Variants in HDAC11 observed in about 807,000 individuals in gnomAD.
The protein encoded by HDAC11 is histone deacetylase 11.
Under a neutral mutation model 41.1 loss-of-function variants are expected in HDAC11, and 23 were observed. The observed-to-expected ratio is 0.56, with a 90% CI of 0.40 to 0.79. The LOEUF (loss-of-function observed/expected upper bound fraction) is 0.79, where lower values mean the gene tolerates loss of function less well. Ranked by LOEUF, HDAC11 falls within the 30% of genes least tolerant of loss-of-function variation. The pLI is 0.00. For missense variants in HDAC11, 402 were observed against 477.3 expected (o/e 0.84, Z 1.47); for synonymous variants, 187 against 186.6 (o/e 1.00, Z -0.02).
In HDAC11 at chr3:13,498,632, G is replaced by T; in HGVS notation, c.412+77G>T. 3.6e-6 allele frequency: 5 copies of T among 1,384,746 alleles called. No individual in the cohort carries two copies. In the South Asian group the frequency reaches 4.8e-5, roughly 13 times the overall value. The allele number at this position is 1,384,746 out of a possible 1,614,324, so 85.8% of individuals were successfully genotyped here. On this transcript the variant is annotated intron_variant, in intron 5 of 9. Coordinates refer to ENST00000295757, the MANE Select transcript of HDAC11 (RefSeq NM_024827.4). ...GCCTGAAAGGGGGCTGGGGGAGGGC[G>T]GGAGGATCCTGGAGGTGGCAGCTGT...
intron 5 of HDAC11, 68 bp downstream of exon 5, chr3:13,498,623 G>T (rs1702218700): frequency 7.5e-6 from 11 of 1,461,456 alleles, no homozygotes; most frequent in Admixed American, 3.5e-5. Flanking sequence ...AAGGGGGCTG[G>T]GGGAGGGCGG....
intron 6 of HDAC11, 37 bp from the exon 7 acceptor site, chr3:13,501,834 C>T: frequency 6.3e-7 from 1 of 1,599,540 alleles, no homozygotes; most frequent in Non-Finnish European, 8.6e-7. Context: ...CCTCTGTCCG[C>T]CCCAGATCCT....
At chr3:13,504,066 A>G (rs1428067735) in intron 8 of HDAC11, 28 bp from the exon 9 acceptor site, 1 of 1,609,038 alleles carries the variant, frequency 6.2e-7, no homozygotes, top group East Asian at 2.2e-5. Flanking sequence ...TTCTCTATAA[A>G]TTGAGGCCAT....
Position 13,481,408 on chromosome 3 carries a change from C to G in HDAC11, c.151+14C>G, listed in dbSNP as rs183549804. 601 of 1,613,308 alleles carry G rather than the reference C, an allele frequency of 3.7e-4. 2 individuals carry two copies. In the African/African-American group the frequency reaches 7.3e-3, roughly 20 times the overall value. On this transcript the variant is annotated intron_variant, in intron 2 of 9. Transcript: ENST00000295757. ...ATTTCCTAAAAGGTATGGAAGGTCC[C>G]CCTTGGACTCTCATCTGCTTCCTCC... is the stretch of plus-strand genomic sequence containing the variant.
At position 13,505,435 on chromosome 3, in the gene HDAC11, T is replaced by G. The variant is rs1702575669; in HGVS notation, c.*752T>G. The G allele has an allele frequency of 6.5e-6, 1 of 153,004 alleles. No homozygotes were observed. The highest frequency in any genetic ancestry group is 1.5e-5 in the Non-Finnish European group (1 of 68,740). 9.5% of individuals were successfully genotyped at this position (153,004 alleles called of 1,614,324 possible). Reference sequence around the variant, plus strand: ...GCCTGTTCAGTGCAAGGGGCAGGTTTTGGGGGGAGGAATTCTTAGCGCAAG... The same window carrying G: ...GCCTGTTCAGTGCAAGGGGCAGGTTGTGGGGGGAGGAATTCTTAGCGCAAG... On this transcript the variant is annotated 3_prime_UTR_variant, in exon 10 of 10. Coordinates refer to ENST00000295757, the MANE Select transcript of HDAC11 (RefSeq NM_024827.4).
chr3:13,483,242 G>A (rs1188018076), intron 2 of HDAC11, among the ~76,000 whole-genome samples: 1 of 152,090 alleles, frequency 6.6e-6, no homozygotes, highest in African/African-American at 2.4e-5. Context: ...CATGGGGATT[G>A]CTGTGTGTAC....
Position 13,505,701 on chromosome 3 carries a change from C to A in HDAC11, c.*1018C>A, listed in dbSNP as rs1366487528. 1 of 152,224 alleles carries A rather than the reference C, an allele frequency of 6.6e-6. No individual in the cohort carries two copies. Among genetic ancestry groups the A allele is most frequent in the African/African-American group, 2.4e-5 (1 of 41,416 alleles). The allele number at this position is 152,224 out of a possible 1,614,324, so 9.4% of individuals were successfully genotyped here. ...TCTATCCTGGCCTGGGGATTATGAACATAGGTAGCCGGGGCAGGGCCCTGG... is the reference window on the plus strand; with the variant it reads ...TCTATCCTGGCCTGGGGATTATGAAAATAGGTAGCCGGGGCAGGGCCCTGG... On this transcript the variant is annotated 3_prime_UTR_variant, in exon 10 of 10. Transcript: ENST00000295757.
chr3:13,487,109 G>C (rs1018625300), intron 3 of HDAC11, among the ~76,000 whole-genome samples: 10 of 152,158 alleles, frequency 6.6e-5, no homozygotes, highest in Non-Finnish European at 1.5e-4. Context: ...CAGTCACGAG[G>C]GGGTTTTCAG....
intron 5 of HDAC11, 59 bp from the exon 6 acceptor site, chr3:13,500,654 C>T (rs1702314675): frequency 2.2e-6 from 3 of 1,372,526 alleles, no homozygotes; most frequent in Admixed American, 2.0e-5. Flanking sequence ...GATGGAGGAG[C>T]TCCTGGACTG....
chr3:13,504,553 A>G lies in HDAC11; in HGVS notation c.914A>G (p.Gln305Arg), dbSNP rs769892193. 2 of 1,613,492 alleles carry G rather than the reference A, an allele frequency of 1.2e-6. No individual in the cohort carries two copies. Residue 305 changes from glutamine to arginine, a missense_variant, in exon 10 of 10, where the codon CAG (glutamine) becomes CGG (arginine). Transcript: ENST00000295757. ...PILMVTSGGY[Q>R]KRTARIIADS... ...CTTATGGTGACCTCAGGCGGGTACC[A>G]GAAGCGCACAGCCCGCATCATTGCT...
chr3:13,490,441 A>G (rs1336205758), intron 3 of HDAC11, among the ~76,000 whole-genome samples: 1 of 152,176 alleles, frequency 6.6e-6, no homozygotes, highest in African/African-American at 2.4e-5. Context: ...GAGTTTTGCC[A>G]TCTTAACAAT....
Position 13,504,124 on chromosome 3 carries a change from G to A in HDAC11, c.680G>A (p.Trp227Ter). Residue 227 changes from tryptophan to a stop codon, truncating the protein, a stop_gained, in exon 9 of 10, where the codon TGG becomes TAG. Coordinates refer to ENST00000295757, the MANE Select transcript of HDAC11 (RefSeq NM_024827.4). LOFTEE classifies it high-confidence loss of function. ...QAIRRKVELE[W>*]GTEDDEYLDK... The stretch of plus-strand genomic sequence containing the variant: ...ATCAGGCGGAAGGTGGAGCTGGAGT[G>A]GGGCACAGAGGATGATGAGTACCTG... 1 of 1,614,060 alleles carries A rather than the reference G, an allele frequency of 6.2e-7. No individual in the cohort carries two copies. The highest frequency in any genetic ancestry group is 8.5e-7 in the Non-Finnish European group (1 of 1,180,020).
Position 13,480,422 on chromosome 3 carries a change from G to T in HDAC11, c.2+73G>T. The T allele has an allele frequency of 1.1e-6, 1 of 941,418 alleles. No individual in the cohort carries two copies. Among genetic ancestry groups the T allele is most frequent in the Non-Finnish European group, 1.4e-6 (1 of 734,082 alleles). 58.3% of individuals were successfully genotyped at this position (941,418 alleles called of 1,614,324 possible). ...TGGGCGGGCGCGCTAGGGCGAGGGC[G>T]GGGACGGCCGGGCGGGCGCGCCAGG... On this transcript the variant is annotated intron_variant, in intron 1 of 9. Coordinates refer to ENST00000295757, the MANE Select transcript of HDAC11 (RefSeq NM_024827.4). This position sits in a 1 kb window ranked among gnomAD's most constrained non-coding sequence, Gnocchi z 4.6.
chr3:13,500,919 T>C (rs959737166), intron 6 of HDAC11, 130 bp downstream of exon 6: 11 of 686,966 alleles, frequency 1.6e-5, no homozygotes, highest in African/African-American at 7.6e-5. Context: ...GGGGGCTTGT[T>C]TGGGTTGCTC....
At chr3:13,496,569 G>T in intron 3 of HDAC11, 167 bp from the exon 4 acceptor site, 1 of 568,346 alleles carries the variant, frequency 1.8e-6, no homozygotes, top group Non-Finnish European at 3.2e-6. Flanking sequence ...AGCCTGGTAG[G>T]GTTGTGGCTC....
At chr3:13,494,317 G>A (rs910548962) in intron 3 of HDAC11, among the ~76,000 whole-genome samples, 6 of 152,236 alleles carry the variant, frequency 3.9e-5, no homozygotes, top group African/African-American at 1.4e-4. Context: ...GGAAAACCAT[G>A]GTTCCATGCC....
At position 13,498,575 on chromosome 3, in the gene HDAC11, T is replaced by C. The variant is rs1261890575; in HGVS notation, c.412+20T>C. 6.3e-7 allele frequency: 1 copy of C among 1,596,788 alleles called. No individual in the cohort carries two copies. Among genetic ancestry groups the C allele is most frequent in the Non-Finnish European group, 8.5e-7 (1 of 1,170,830 alleles). On this transcript the variant is annotated intron_variant, in intron 5 of 9. Coordinates refer to ENST00000295757, the MANE Select transcript of HDAC11 (RefSeq NM_024827.4). ...ACGTGGGTGAGTGCTGGGAATGTCC[T>C]CGGGAATGTCCAGCCCGGCTTGGTG...
At chr3:13,494,632 C>T (rs1702011375) in intron 3 of HDAC11, among the ~76,000 whole-genome samples, 1 of 152,074 alleles carries the variant, frequency 6.6e-6, no homozygotes, top group Non-Finnish European at 1.5e-5. Flanking sequence ...GGAAGTGGTG[C>T]CCCGTGGGCA....
intron 3 of HDAC11, among the ~76,000 whole-genome samples, chr3:13,485,234 G>A (rs373098126): frequency 1.7e-4 from 26 of 152,364 alleles, no homozygotes; most frequent in African/African-American, 6.3e-4. Flanking sequence ...ATAGGGCCAC[G>A]ACAGTGTGAG....
Sources: allele counts gnomAD v4.1 joint callset (sites outside exome capture counted in the v4.1 genomes callset), GRCh38; gene constraint gnomAD v4.1.1; non-coding constraint Gnocchi (gnomAD v3.1); transcripts MANE v1.5; gene names NCBI Gene and HGNC (gene_info 2026-07-23, HGNC 2026-07-21).